CLIP2: variants seen among roughly 807,000 people sequenced by gnomAD.
CLIP2 encodes CAP-Gly domain containing linker protein 2, also known as CAP-Gly domain-containing linker protein 2.
CLIP2 carries 41 observed loss-of-function variants against 111.7 expected under a neutral mutation model. The ratio of observed to expected loss-of-function variants is 0.37; its 90% CI spans 0.29 to 0.48. The LOEUF (loss-of-function observed/expected upper bound fraction) is 0.48. Ranked by LOEUF, CLIP2 falls within the 20% of genes least tolerant of loss-of-function variation. The pLI is 0.99. For synonymous variants in CLIP2, 660 were observed against 644.2 expected, an observed-to-expected ratio of 1.02 and a Z score of -0.37; for missense variants, 1,160 against 1,422.1, an observed-to-expected ratio of 0.82 and a Z score of 2.96.
At chr7:74,355,804 C>T (rs1024725594) in intron 4 of CLIP2, among the ~76,000 whole-genome samples, 16 of 152,208 alleles carry the variant, frequency 1.1e-4, no homozygotes, top group South Asian at 4.1e-4. Context: ...CAGTCCCCAT[C>T]CCACCCCAAG....
intron 4 of CLIP2, 101 bp downstream of exon 4, chr7:74,354,105 T>C (rs1237111584): frequency 1.4e-6 from 2 of 1,388,858 alleles, no homozygotes; most frequent in East Asian, 2.3e-5. Flanking sequence ...GTGTCCAGCA[T>C]GTAGTGTCAG....
intron 2 of CLIP2, 109 bp downstream of exon 2, chr7:74,317,776 G>A (rs1788828350): frequency 1.6e-6 from 2 of 1,256,006 alleles, no homozygotes; most frequent in South Asian, 2.7e-5. Flanking sequence ...TCTGATGGGG[G>A]ACGCTGAGTG....
At chr7:74,398,151 G>C (rs1791513126) in intron 14 of CLIP2, among the ~76,000 whole-genome samples, 1 of 151,714 alleles carries the variant, frequency 6.6e-6, no homozygotes, top group Admixed American at 6.6e-5. Context: ...TTGAGGTCAA[G>C]AGTACGAGAC....
intron 9 of CLIP2, among the ~76,000 whole-genome samples, chr7:74,373,454 T>C (rs999502309): frequency 3.9e-5 from 6 of 152,086 alleles, no homozygotes; most frequent in Non-Finnish European, 7.4e-5. Context: ...GCTGAGATCG[T>C]GCCACTGCAC....
chr7:74,328,935 CAG>C (rs1789197277), intron 2 of CLIP2, among the ~76,000 whole-genome samples: 1 of 149,512 alleles, frequency 6.7e-6, no homozygotes, highest in South Asian at 2.1e-4. Flanking sequence ...ATTTTTGAGA[CAG>C]AGTCTCATTC....
chr7:74,356,595 T>TG lies in CLIP2; in HGVS notation c.995dup (p.Arg333SerfsTer37). The TG allele has an allele frequency of 2.5e-6, 4 of 1,613,778 alleles. No homozygotes were observed. Among genetic ancestry groups the TG allele is most frequent in the Non-Finnish European group, 3.4e-6 (4 of 1,179,950 alleles). ...TCCGTCAGCTCTGTGGCCTCCTCCG[T>TG]GGGGGGTCGGCCCAGCCGCAGTGGC... On this transcript the variant is annotated frameshift_variant, in exon 5 of 17. Coordinates refer to ENST00000223398, the MANE Select transcript of CLIP2 (RefSeq NM_003388.5). LOFTEE classifies it high-confidence loss of function.
chr7:74,289,504 G>C lies in CLIP2; in HGVS notation c.-298G>C, dbSNP rs1365420248. The C allele has an allele frequency of 6.6e-6, 1 of 151,062 alleles. No individual in the cohort carries two copies. The highest frequency in any genetic ancestry group is 1.5e-5 in the Non-Finnish European group (1 of 67,604). The allele number at this position is 151,062 out of a possible 1,614,324, so 9.4% of individuals were successfully genotyped here. On this transcript the variant is annotated 5_prime_UTR_variant, in exon 1 of 17. Coordinates refer to ENST00000223398, the MANE Select transcript of CLIP2 (RefSeq NM_003388.5). ...TCGGCCGCGGGGCGCGCAGGCGGCTGCTGGGCGGCCTCGGTGCGCGCCTCC... is the reference window on the plus strand; with the variant it reads ...TCGGCCGCGGGGCGCGCAGGCGGCTCCTGGGCGGCCTCGGTGCGCGCCTCC...
At position 74,338,728 on chromosome 7, in the gene CLIP2, C is replaced by G; in HGVS notation, c.402C>G (p.Ala134=). 1 of 1,594,812 alleles carries G rather than the reference C, an allele frequency of 6.3e-7. No individual in the cohort carries two copies. The highest frequency in any genetic ancestry group is 8.5e-7 in the Non-Finnish European group (1 of 1,173,714). ...VGGVRYFECP[A]LQGIFTRPSK... ...GCGTGCGCTACTTCGAGTGCCCGGC[C>G]CTCCAGGGTATCTTCACGCGGCCCT... The change falls in exon 3 of 17, where the codon GCC becomes GCG. Residue 134 remains alanine, a synonymous_variant. Coordinates refer to ENST00000223398, the MANE Select transcript of CLIP2 (RefSeq NM_003388.5). The surrounding 1 kb of genome is among the most constrained non-coding windows in gnomAD (Gnocchi z 4.3).
chr7:74,306,940 G>T (rs138512744), intron 1 of CLIP2, among the ~76,000 whole-genome samples: 3 of 152,198 alleles, frequency 2.0e-5, no homozygotes, highest in African/African-American at 4.8e-5. Flanking sequence ...CGCCTCCCAC[G>T]TCGGCCACAG....
intron 3 of CLIP2, among the ~76,000 whole-genome samples, chr7:74,349,015 A>G (rs1404945433): frequency 6.6e-6 from 1 of 152,054 alleles, no homozygotes. Context: ...TTGTACAAGA[A>G]TATTCATAGC....
chr7:74,380,690 G>A, intron 10 of CLIP2, 116 bp from the exon 11 acceptor site: 8 of 795,834 alleles, frequency 1.0e-5, no homozygotes, highest in Non-Finnish European at 1.6e-5. Context: ...GTCCGTCACT[G>A]AGGTCCCCCT....
chr7:74,364,285 G>A lies in CLIP2; in HGVS notation c.1350G>A (p.Glu450=). 3 of 1,613,796 alleles carry A rather than the reference G, an allele frequency of 1.9e-6. No homozygotes were observed. Among genetic ancestry groups the A allele is most frequent in the Non-Finnish European group, 2.5e-6 (3 of 1,179,886 alleles). The stretch of plus-strand genomic sequence containing the variant: ...TGGAGGATCTGCAGTTCCGCGTGGA[G>A]GAGGAGTCCATCACCAAGGGAGACC... ...RKVEDLQFRV[E]EESITKGDLE... The change falls in exon 8 of 17, where the codon GAG becomes GAA. Residue 450 remains glutamate, a synonymous_variant. Coordinates refer to ENST00000223398, the MANE Select transcript of CLIP2 (RefSeq NM_003388.5).
chr7:74,377,778 G>A (rs1304803542), intron 10 of CLIP2, among the ~76,000 whole-genome samples: 3 of 151,988 alleles, frequency 2.0e-5, no homozygotes, highest in Non-Finnish European at 2.9e-5. Flanking sequence ...ACTCTTGCCT[G>A]TATACAAATT....
chr7:74,323,117 A>ATT (rs1456101876), intron 2 of CLIP2, among the ~76,000 whole-genome samples: 1 of 132,832 alleles, frequency 7.5e-6, no homozygotes, highest in South Asian at 2.3e-4. Context: ...TTATTTATTT[A>ATT]TTTATTTATT....
rs373010706 is a variant in CLIP2 at position 74,389,162 on chromosome 7, C to T, written c.2623C>T (p.Arg875Trp). 61 of 1,613,616 alleles carry T rather than the reference C, an allele frequency of 3.8e-5. No homozygotes were observed. In the African/African-American group the frequency reaches 6.7e-4, roughly 18 times the overall value. The change falls in exon 13 of 17, where the codon CGG becomes TGG. Residue 875 changes from arginine to tryptophan, a missense_variant. Arg to Trp is a moderately radical substitution (Grantham distance 101). Transcript: ENST00000223398. ...KKVDALLKEK[R>W]RLEAELETVS... ...GGTGGACGCCCTCCTGAAGGAGAAGCGGCGCCTGGAGGCAGAGCTGGAGAC... is the reference window on the plus strand; with the variant it reads ...GGTGGACGCCCTCCTGAAGGAGAAGTGGCGCCTGGAGGCAGAGCTGGAGAC...
At position 74,404,854 on chromosome 7, in the gene CLIP2, T is replaced by G. The variant is rs1226609280; in HGVS notation, c.*1006T>G. 6.6e-6 allele frequency: 1 copy of G among 152,174 alleles called. No homozygotes were observed. The highest frequency in any genetic ancestry group is 1.9e-4 in the East Asian group (1 of 5,170). The allele number at this position is 152,174 out of a possible 1,614,324, so 9.4% of individuals were successfully genotyped here. On this transcript the variant is annotated 3_prime_UTR_variant, in exon 17 of 17. Transcript: ENST00000223398. ...ACCGTGTGGGTGGCGGCGTTTGCTGTGAACCACGCTCAGGCCACACAGAGA... is the reference window on the plus strand; with the variant it reads ...ACCGTGTGGGTGGCGGCGTTTGCTGGGAACCACGCTCAGGCCACACAGAGA...
chr7:74,316,500 C>A (rs1383862617), intron 1 of CLIP2, among the ~76,000 whole-genome samples: 2 of 152,084 alleles, frequency 1.3e-5, no homozygotes, highest in African/African-American at 4.8e-5. Context: ...ATCCTCCCAC[C>A]TTGGCCTCCC....
intron 8 of CLIP2, among the ~76,000 whole-genome samples, chr7:74,372,034 A>AG (rs1790640731): frequency 6.6e-6 from 1 of 152,110 alleles, no homozygotes; most frequent in South Asian, 2.1e-4. Flanking sequence ...GAGTATAAAG[A>AG]GGACCCTCTG....
chr7:74,294,404 A>G (rs1462669124), intron 1 of CLIP2, among the ~76,000 whole-genome samples: 2 of 152,194 alleles, frequency 1.3e-5, no homozygotes, highest in African/African-American at 2.4e-5. Flanking sequence ...CGAGGCCTGA[A>G]TTTAGGACCT....
Sources: allele counts gnomAD v4.1 joint callset (sites outside exome capture counted in the v4.1 genomes callset), GRCh38; gene constraint gnomAD v4.1.1; non-coding constraint Gnocchi (gnomAD v3.1); transcripts MANE v1.5; gene names NCBI Gene and HGNC (gene_info 2026-07-23, HGNC 2026-07-21).